Variants in MGST1 observed in about 807,000 individuals in gnomAD.
MGST1 encodes the protein microsomal glutathione S-transferase 1, also known as glutathione S-transferase 12.
A neutral mutation model predicts 8.9 loss-of-function variants in MGST1; 5 were observed. That is an observed-to-expected ratio of 0.56 (90% CI 0.29 to 1.19). The LOEUF (loss-of-function observed/expected upper bound fraction) is 1.19. Ranked by LOEUF, MGST1 falls within the 50% of genes most tolerant of loss-of-function variation. The pLI is 0.08. For synonymous variants in MGST1, 54 were observed against 67.8 expected (o/e 0.80, Z 1.00); for missense variants, 182 against 187.4 (o/e 0.97, Z 0.17).
At chr12:16,375,623 T>G (rs1430415129) in intron 3 of MGST1, among the ~76,000 whole-genome samples, 1 of 151,906 alleles carries the variant, frequency 6.6e-6, no homozygotes, top group Non-Finnish European at 1.5e-5. Context: ...AGTAATTATA[T>G]CAGCATCACT....
intron 4 of MGST1, among the ~76,000 whole-genome samples, chr12:16,459,360 A>G (rs898554123): frequency 2.0e-5 from 3 of 152,008 alleles, no homozygotes; most frequent in African/African-American, 7.2e-5. Flanking sequence ...ACTTGGTACA[A>G]TGTGGTGAAT....
intron 4 of MGST1, among the ~76,000 whole-genome samples, chr12:16,541,471 T>G (rs1475330104): frequency 1.3e-5 from 2 of 152,222 alleles, no homozygotes; most frequent in African/African-American, 4.8e-5. Context: ...ACCTTTGCTA[T>G]TTCTCTGCAT....
intron 1 of MGST1, among the ~76,000 whole-genome samples, chr12:16,407,878 A>C (rs1163363584): frequency 2.0e-5 from 3 of 151,874 alleles, no homozygotes; most frequent in Admixed American, 2.0e-4. Flanking sequence ...CTAAAAATAC[A>C]AAAATTAGCT....
intron 4 of MGST1, chr12:16,567,605 G>T (rs989590777): frequency 4.6e-5 from 7 of 152,106 alleles, no homozygotes; most frequent in African/African-American, 1.7e-4. Context: ...CCTCTATGTG[G>T]TCAAGATCAG....
At chr12:16,515,689 T>A (rs946718446) in intron 4 of MGST1, among the ~76,000 whole-genome samples, 9 of 151,770 alleles carry the variant, frequency 5.9e-5, no homozygotes, top group Admixed American at 3.9e-4. Context: ...GCTGATCTCA[T>A]ACCCTCACCC....
intron 1 of MGST1, among the ~76,000 whole-genome samples, chr12:16,408,253 A>C (rs1197502179): frequency 6.6e-6 from 1 of 152,056 alleles, no homozygotes; most frequent in East Asian, 1.9e-4. Flanking sequence ...GAAGCAAAAA[A>C]ACAATAATAA....
At chr12:16,373,078 A>T (rs182548148) in intron 3 of MGST1, among the ~76,000 whole-genome samples, 1 of 150,330 alleles carries the variant, frequency 6.7e-6, no homozygotes, top group East Asian at 1.9e-4. Flanking sequence ...ATTTGGCCAT[A>T]AAAAAAATTC....
chr12:16,395,927 CT>C, intron 1 of MGST1, among the ~76,000 whole-genome samples: 1 of 151,706 alleles, frequency 6.6e-6, no homozygotes, highest in Non-Finnish European at 1.5e-5. Flanking sequence ...ATGCAAGTAT[CT>C]TTTTTCATAT....
rs929245482 is a variant in MGST1 at position 16,410,206 on chromosome 12, T to A, written n.778+26602T>A. 6.6e-6 allele frequency among the ~76,000 whole-genome samples: 1 copy of A among 152,218 alleles called. No individual in the cohort carries two copies. The highest frequency in any genetic ancestry group is 2.4e-5 in the African/African-American group (1 of 41,454). ...CGTCATTTCTCTTTAACTTGGAGAT[T>A]AGCCTATCTTGTCTGCTCTTTGACA... On this transcript the variant is annotated intron_variant and non_coding_transcript_variant, in intron 1 of 1. Coordinates refer to the MGST1 transcript ENST00000359720. The surrounding 1 kb of genome is among the most constrained non-coding windows in gnomAD (Gnocchi z 4.4).
chr12:16,504,180 A>C (rs1437879116), intron 4 of MGST1, among the ~76,000 whole-genome samples: 1 of 148,878 alleles, frequency 6.7e-6, no homozygotes, highest in Non-Finnish European at 1.5e-5. Context: ...TTGTAACTCA[A>C]ATAAACACTA....
At chr12:16,481,978 T>G (rs929003085) in intron 4 of MGST1, among the ~76,000 whole-genome samples, 3 of 152,074 alleles carry the variant, frequency 2.0e-5, no homozygotes, top group African/African-American at 7.2e-5. Flanking sequence ...AAAGAGAGCT[T>G]AAAAAAGACT....
At chr12:16,358,432 C>T (rs1300573281) in intron 3 of MGST1, among the ~76,000 whole-genome samples, 1 of 151,720 alleles carries the variant, frequency 6.6e-6, no homozygotes, top group Non-Finnish European at 1.5e-5. Context: ...TACTTGCCTA[C>T]AGCTGCATCC....
Position 16,413,261 on chromosome 12 carries a change from A to G in MGST1, n.779-24127A>G, listed in dbSNP as rs1021496969. ...GTGTTGCCATTTGGGCAACCACCAC[A>G]TACCACTTGTGTTGAGAAGCCATGC... On this transcript the variant is annotated intron_variant and non_coding_transcript_variant, in intron 1 of 1. Coordinates refer to the MGST1 transcript ENST00000359720. The surrounding 1 kb of genome is among the most constrained non-coding windows in gnomAD (Gnocchi z 4.0). Among the ~76,000 whole-genome samples, 48 of 152,170 alleles carry G rather than the reference A, an allele frequency of 3.2e-4. No homozygotes were observed. Among genetic ancestry groups the G allele is most frequent in the African/African-American group, 1.1e-3 (45 of 41,446 alleles).
chr12:16,476,346 A>G (rs1941323057), intron 4 of MGST1, among the ~76,000 whole-genome samples: 1 of 152,192 alleles, frequency 6.6e-6, no homozygotes, highest in Non-Finnish European at 1.5e-5. Flanking sequence ...TTACATTACT[A>G]CAAGTATATA....
intron 4 of MGST1, among the ~76,000 whole-genome samples, chr12:16,543,426 T>G (rs1318815675): frequency 6.6e-6 from 1 of 152,138 alleles, no homozygotes; most frequent in African/African-American, 2.4e-5. Context: ...TGTTTGCTTG[T>G]TGAGTGCTCA....
chr12:16,556,576 CA>C (rs1232836723), intron 4 of MGST1, among the ~76,000 whole-genome samples: 1 of 152,166 alleles, frequency 6.6e-6, no homozygotes, highest in Non-Finnish European at 1.5e-5. Context: ...CTTTAGACGT[CA>C]ATAAAGTTTG....
chr12:16,435,363 T>C (rs1329609150), intron 1 of MGST1, among the ~76,000 whole-genome samples: 1 of 151,946 alleles, frequency 6.6e-6, no homozygotes, highest in Non-Finnish European at 1.5e-5. Flanking sequence ...GCAGTATTAC[T>C]ACTAAGGATT....
At chr12:16,483,409 C>T (rs7294773) in intron 4 of MGST1, among the ~76,000 whole-genome samples, 123,325 of 151,878 alleles carry the variant, frequency 0.81, 52,158 homozygotes, top group East Asian at 0.93. Context: ...TTCCAACCAA[C>T]GGTGTGAAAA....
intron 4 of MGST1, among the ~76,000 whole-genome samples, chr12:16,557,385 T>A (rs1942230994): frequency 6.6e-6 from 1 of 150,566 alleles, no homozygotes; most frequent in African/African-American, 2.5e-5. Flanking sequence ...TTTTTTTTTT[T>A]AAACGTAATT....
Sources: gnomAD v4.1 joint callset for allele counts (sites outside exome capture counted in the v4.1 genomes callset) on GRCh38, gnomAD v4.1.1 for gene constraint, Gnocchi (gnomAD v3.1) non-coding constraint, MANE v1.5 for transcripts, NCBI Gene and HGNC (gene_info 2026-07-23, HGNC 2026-07-21) for gene names.